The following TNNT2 variants were observed in gnomAD, a reference collection of about 807,000 sequenced individuals.
TNNT2 encodes troponin T, cardiac muscle.
TNNT2 carries 34 observed loss-of-function variants against 62.4 expected under a neutral mutation model. That is an observed-to-expected ratio of 0.54 (90% CI 0.41 to 0.72). The LOEUF is 0.72. Among genes scored for constraint, TNNT2 ranks in the 30% least tolerant of loss-of-function variants. TNNT2 has a pLI of 0.00. For synonymous variants in TNNT2, 123 were observed against 127.2 expected (o/e 0.97, Z 0.22); for missense variants, 275 against 381.9 (o/e 0.72, Z 2.33).
intron 14 of TNNT2, among the ~76,000 whole-genome samples, 159 bp downstream of exon 14, chr1:201,361,754 G>C (rs573833528): frequency 1.3e-5 from 2 of 152,322 alleles, no homozygotes; most frequent in African/African-American, 2.4e-5. Context: ...GAGTTGGCCC[G>C]ACCTGCTGGG....
At chr1:201,370,287 C>T (rs1660428540) in intron 4 of TNNT2, among the ~76,000 whole-genome samples, 1 of 152,180 alleles carries the variant, frequency 6.6e-6, no homozygotes, top group Non-Finnish European at 1.5e-5. Flanking sequence ...ACGAGCCTGC[C>T]CATGTTCCTG....
At chr1:201,362,893 G>A (rs1292192865) in intron 12 of TNNT2, among the ~76,000 whole-genome samples, 7 of 152,142 alleles carry the variant, frequency 4.6e-5, no homozygotes, top group Non-Finnish European at 1.0e-4. Flanking sequence ...CAATATGAGT[G>A]CCAGTTGAGG....
At position 201,363,815 on chromosome 1, in the gene TNNT2, T is replaced by C. The variant is rs139486732; in HGVS notation, c.490-409A>G. ...AGGACGCAGGCATTTCTGTCTTGTT[T>C]GCTGATGTATTATCAGAGCCAAGAC... On this transcript the variant is annotated intron_variant, in intron 11 of 16. Coordinates refer to ENST00000656932, the MANE Select transcript of TNNT2 (RefSeq NM_001276345.2). The C allele has an allele frequency of 1.3e-3, 395 of 307,752 alleles. 7 individuals are homozygous for C. In the East Asian group the frequency reaches 0.029, roughly 22 times the overall value. 19.1% of individuals were successfully genotyped at this position (307,752 alleles called of 1,614,324 possible). A position where few individuals can be genotyped will look rare whatever the true frequency, so the allele number is the denominator to read the frequency against.
chr1:201,366,958 A>G, intron 7 of TNNT2, 87 bp from the exon 8 acceptor site: 1 of 1,608,628 alleles, frequency 6.2e-7, no homozygotes, highest in South Asian at 1.1e-5. Flanking sequence ...ATCCCTGTGG[A>G]TTTCCATTTC....
At chr1:201,375,564 G>C (rs1043155301) in intron 1 of TNNT2, among the ~76,000 whole-genome samples, 1 of 152,186 alleles carries the variant, frequency 6.6e-6, no homozygotes, top group Non-Finnish European at 1.5e-5. Flanking sequence ...AACCCCAGAG[G>C]TTCTCCAAAT....
chr1:201,359,335 T>C, intron 16 of TNNT2, 80 bp from the exon 17 acceptor site: 1 of 1,545,242 alleles, frequency 6.5e-7, no homozygotes, highest in Admixed American at 1.9e-5. Context: ...AGGACTGGGG[T>C]GCCAAAGGGG....
At chr1:201,363,002 T>G (rs776765014) in intron 12 of TNNT2, 2 of 547,854 alleles carry the variant, frequency 3.7e-6, no homozygotes, top group Non-Finnish European at 4.7e-6. Context: ...CTCTTCCAGC[T>G]GCACCCAGCC....
chr1:201,361,181 G>C, intron 15 of TNNT2, 98 bp downstream of exon 15: 2 of 1,191,174 alleles, frequency 1.7e-6, no homozygotes, highest in Non-Finnish European at 2.5e-6. Context: ...TGGGGAATAG[G>C]GACAGGGACC....
intron 2 of TNNT2, 164 bp downstream of exon 2, chr1:201,373,050 G>A (rs759327322): frequency 1.9e-5 from 15 of 774,932 alleles, no homozygotes; most frequent in South Asian, 6.8e-5. Context: ...CAACCCAGGG[G>A]TACAGGAGTG....
chr1:201,361,964 G>C lies in TNNT2; in HGVS notation c.668C>G (p.Ala223Gly). The stretch of plus-strand genomic sequence containing the variant: ...AATGGCCAGCACCTTCCTCCTCTCA[G>C]CCAGAATCTTCTTCTTCTTTTCCCG... ...TEREKKKKIL[A>G]ERRKVLAIDH... Residue 223 changes from alanine to glycine, a missense_variant, in exon 14 of 17, where the codon GCT (alanine) becomes GGT (glycine). Transcript: ENST00000656932. The C allele has an allele frequency of 6.2e-7, 1 of 1,614,178 alleles. No homozygotes were observed. The highest frequency in any genetic ancestry group is 8.5e-7 in the Non-Finnish European group (1 of 1,180,022).
At chr1:201,372,858 G>A (rs1660856247) in intron 2 of TNNT2, among the ~76,000 whole-genome samples, 1 of 152,152 alleles carries the variant, frequency 6.6e-6, no homozygotes, top group African/African-American at 2.4e-5. Flanking sequence ...GGTTTGGGGG[G>A]CATAATCAGC....
At position 201,359,060 on chromosome 1, in the gene TNNT2, G is replaced by T; in HGVS notation, c.*150C>A. On this transcript the variant is annotated 3_prime_UTR_variant, in exon 17 of 17. Transcript: ENST00000656932. ...TTACTGGTGTGGAGTGGGTGTGGGG[G>T]CAGGCAGGAGTGGTGGCTCCCACCT... 2 of 894,468 alleles carry T rather than the reference G, an allele frequency of 2.2e-6. No individual in the cohort carries two copies. The highest frequency in any genetic ancestry group is 1.8e-6 in the Non-Finnish European group (1 of 556,310). 55.4% of individuals were successfully genotyped at this position (894,468 alleles called of 1,614,324 possible).
chr1:201,367,671 C>G, intron 7 of TNNT2, 100 bp downstream of exon 7: 2 of 1,330,388 alleles, frequency 1.5e-6, no homozygotes. Context: ...CCTCTCAGTG[C>G]ACATCCACTT....
At chr1:201,364,409 C>A (rs1188403049) in intron 10 of TNNT2, 34 bp from the exon 11 acceptor site, 2 of 1,605,896 alleles carry the variant, frequency 1.2e-6, no homozygotes, top group African/African-American at 2.7e-5. Context: ...CCCAGGTGTG[C>A]ATAGGGAGAA....
chr1:201,365,777 G>T, intron 8 of TNNT2, 107 bp from the exon 9 acceptor site: 1 of 1,555,416 alleles, frequency 6.4e-7, no homozygotes, highest in Non-Finnish European at 8.7e-7. Flanking sequence ...TTCCAGCACT[G>T]CCCCGACCAA....
At chr1:201,364,114 C>T (rs1282403705) in intron 11 of TNNT2, 184 bp downstream of exon 11, 3 of 624,164 alleles carry the variant, frequency 4.8e-6, no homozygotes, top group Non-Finnish European at 5.6e-6. Flanking sequence ...GAACTCCCAA[C>T]CTCAAGTGAT....
chr1:201,364,962 T>C (rs900867537), intron 10 of TNNT2, among the ~76,000 whole-genome samples: 1 of 152,100 alleles, frequency 6.6e-6, no homozygotes, highest in Non-Finnish European at 1.5e-5. Flanking sequence ...GACTCAGCTC[T>C]GGCAGTCAAG....
In TNNT2 at chr1:201,366,283, G is replaced by A. The variant is rs965024325; in HGVS notation, c.233+555C>T. 4 of 1,024,690 alleles carry A rather than the reference G, an allele frequency of 3.9e-6. No individual in the cohort carries two copies. The African/African-American group carries it at 6.8e-5, about 17-fold the overall frequency. The allele number at this position is 1,024,690 out of a possible 1,614,324, so 63.5% of individuals were successfully genotyped here. A position where few individuals can be genotyped will look rare whatever the true frequency, so the allele number is the denominator to read the frequency against. On this transcript the variant is annotated intron_variant, in intron 8 of 16. Coordinates refer to ENST00000656932, the MANE Select transcript of TNNT2 (RefSeq NM_001276345.2). ...GGCCCCACTGAAATGGGAAGAGCCT[G>A]TGAGTGGGCAGAGGTGCCATGGGTC... is the stretch of plus-strand genomic sequence containing the variant.
intron 2 of TNNT2, among the ~76,000 whole-genome samples, chr1:201,372,639 T>C (rs569074518): frequency 6.6e-6 from 1 of 152,338 alleles, no homozygotes; most frequent in East Asian, 1.9e-4. Context: ...TCCCAGTTTA[T>C]GTCTTAACAT....
Sources: allele counts gnomAD v4.1 joint callset (sites outside exome capture counted in the v4.1 genomes callset), GRCh38; gene constraint gnomAD v4.1.1; transcripts MANE v1.5; gene names NCBI Gene and HGNC (gene_info 2026-07-23, HGNC 2026-07-21).